The following NBAS variants were observed in gnomAD, a reference collection of about 807,000 sequenced individuals.
NBAS encodes the protein NAG/BC035112 fusion.
In NBAS, 219 loss-of-function variants were observed where a neutral mutation model predicts 302.5. The ratio of observed to expected loss-of-function variants is 0.72; its 90% CI spans 0.65 to 0.81. The LOEUF (loss-of-function observed/expected upper bound fraction) is 0.81. Ranked by LOEUF, NBAS falls within the 30% of genes least tolerant of loss-of-function variation. The pLI, the probability that NBAS is intolerant of heterozygous loss-of-function variation, is 0.00. For synonymous variants in NBAS, 1,118 were observed against 1,021.6 expected (o/e 1.09, Z -1.80); for missense variants, 2,932 against 2,841.6 (o/e 1.03, Z -0.72).
the NBAS span, among the ~76,000 whole-genome samples, chr2:14,807,278 A>G: frequency 1.3e-5 from 2 of 152,190 alleles, no homozygotes; most frequent in Non-Finnish European, 2.9e-5. Context: ...ATTATCTCAG[A>G]GTAATTTCTA....
the NBAS span, among the ~76,000 whole-genome samples, chr2:15,027,616 G>A: frequency 6.6e-6 from 1 of 152,020 alleles, no homozygotes; most frequent in Non-Finnish European, 1.5e-5. Context: ...GTTTTCAGCA[G>A]TTATTTTATT....
the NBAS span, among the ~76,000 whole-genome samples, chr2:14,802,790 C>T: frequency 7.1e-6 from 1 of 141,054 alleles, no homozygotes; most frequent in Non-Finnish European, 1.5e-5. Context: ...ATCGCAAGAA[C>T]AAAAAACCAA....
At chr2:14,988,077 C>A in the NBAS span, among the ~76,000 whole-genome samples, 1 of 152,086 alleles carries the variant, frequency 6.6e-6, no homozygotes, top group African/African-American at 2.4e-5. Flanking sequence ...AAAGTGTGAG[C>A]CAGCAGTGTT....
the NBAS span, among the ~76,000 whole-genome samples, chr2:15,074,846 G>A: frequency 6.6e-5 from 10 of 152,142 alleles, no homozygotes; most frequent in African/African-American, 1.9e-4. Flanking sequence ...AGAATTAAAT[G>A]TTCAATAACC....
At chr2:15,518,818 T>C (rs1317440529) in intron 9 of NBAS, among the ~76,000 whole-genome samples, 6 of 152,112 alleles carry the variant, frequency 3.9e-5, no homozygotes, top group Admixed American at 2.6e-4. Flanking sequence ...GCACATCTTA[T>C]GTGGAATGGC....
At chr2:14,869,803 G>T in the NBAS span, among the ~76,000 whole-genome samples, 1 of 152,258 alleles carries the variant, frequency 6.6e-6, no homozygotes, top group East Asian at 1.9e-4. Context: ...AAGCTGGTTA[G>T]CTAAATGTCC....
chr2:14,847,522 A>G, the NBAS span, among the ~76,000 whole-genome samples: 8 of 151,318 alleles, frequency 5.3e-5, no homozygotes, highest in Admixed American at 3.9e-4. Flanking sequence ...AAAAAAAAAA[A>G]CTACAAGAAG....
At chr2:15,033,875 G>A in the NBAS span, among the ~76,000 whole-genome samples, 4 of 151,612 alleles carry the variant, frequency 2.6e-5, no homozygotes, top group African/African-American at 7.3e-5. Flanking sequence ...TTGAACCTAG[G>A]GGGCAGAGTT....
the NBAS span, among the ~76,000 whole-genome samples, chr2:14,823,985 T>A: frequency 1.3e-5 from 2 of 152,296 alleles, no homozygotes; most frequent in East Asian, 3.9e-4. Flanking sequence ...TGAACCTGAA[T>A]CACCGTGATG....
At chr2:15,321,008 T>C (rs890480901) in intron 38 of NBAS, among the ~76,000 whole-genome samples, 1 of 152,118 alleles carries the variant, frequency 6.6e-6, no homozygotes, top group Non-Finnish European at 1.5e-5. Context: ...TACAAGGCTA[T>C]AGTAACCAAA....
the NBAS span, among the ~76,000 whole-genome samples, chr2:15,036,469 C>T: frequency 6.6e-6 from 1 of 152,118 alleles, no homozygotes; most frequent in Non-Finnish European, 1.5e-5. Flanking sequence ...AAGATCACAT[C>T]GGTAATATGA....
At chr2:15,234,003 T>C (rs144061609) in intron 46 of NBAS, among the ~76,000 whole-genome samples, 1 of 152,348 alleles carries the variant, frequency 6.6e-6, no homozygotes, top group East Asian at 1.9e-4. Flanking sequence ...GATGCATTCC[T>C]ACAAAGGCAC....
intron 47 of NBAS, among the ~76,000 whole-genome samples, chr2:15,229,741 C>T (rs1307431900): frequency 6.6e-6 from 1 of 150,564 alleles, no homozygotes; most frequent in Non-Finnish European, 1.5e-5. Context: ...GAGACTGCGC[C>T]ATTGTACTTC....
chr2:14,808,243 A>T, the NBAS span, among the ~76,000 whole-genome samples: 1 of 152,214 alleles, frequency 6.6e-6, no homozygotes. Context: ...ACAGAGAGCT[A>T]GTAAGGTGGG....
the NBAS span, among the ~76,000 whole-genome samples, chr2:15,118,361 C>T: frequency 1.3e-5 from 2 of 152,184 alleles, no homozygotes; most frequent in Non-Finnish European, 2.9e-5. Context: ...TTGTTCTCAG[C>T]CATTGTCATC....
the NBAS span, among the ~76,000 whole-genome samples, chr2:15,088,840 T>C: frequency 6.6e-6 from 1 of 152,202 alleles, no homozygotes; most frequent in African/African-American, 2.4e-5. Context: ...CCAGTGTTCT[T>C]CTCATGCCCA....
intron 35 of NBAS, among the ~76,000 whole-genome samples, chr2:15,332,543 A>C (rs1672400459): frequency 6.6e-6 from 1 of 152,170 alleles, no homozygotes; most frequent in Non-Finnish European, 1.5e-5. Context: ...GTCATGCAAA[A>C]AAAAAATAAA....
At chr2:14,888,542 C>T in the NBAS span, among the ~76,000 whole-genome samples, 1 of 152,054 alleles carries the variant, frequency 6.6e-6, no homozygotes, top group Admixed American at 6.5e-5. Flanking sequence ...ATTGACCATT[C>T]TCCCCTTCTT....
chr2:15,546,112 T>TA (rs1283089692), intron 6 of NBAS, among the ~76,000 whole-genome samples: 3 of 152,212 alleles, frequency 2.0e-5, no homozygotes, highest in Admixed American at 6.5e-5. Flanking sequence ...ACCTAAAAAT[T>TA]ACTCTTTTTT....
Sources: allele counts gnomAD v4.1 joint callset (sites outside exome capture counted in the v4.1 genomes callset), GRCh38; gene constraint gnomAD v4.1.1; transcripts MANE v1.5; gene names NCBI Gene and HGNC (gene_info 2026-07-23, HGNC 2026-07-21).